CTBP1: variants seen among roughly 807,000 people sequenced by gnomAD.
The protein encoded by CTBP1 is C-terminal binding protein 1.
CTBP1 carries 11 observed loss-of-function variants against 42.1 expected under a neutral mutation model. That is an observed-to-expected ratio of 0.26 (90% CI 0.16 to 0.43). The LOEUF (loss-of-function observed/expected upper bound fraction) is 0.43, where lower values mean the gene tolerates loss of function less well. Among genes scored for constraint, CTBP1 ranks in the 20% least tolerant of loss-of-function variants. CTBP1 has a pLI of 1.00. For synonymous variants in CTBP1, 324 were observed against 277.1 expected, an observed-to-expected ratio of 1.17 and a Z score of -1.68; for missense variants, 399 against 624.3, an observed-to-expected ratio of 0.64 and a Z score of 3.85.
At chr4:1,243,487 C>T (rs1284642259) in intron 1 of CTBP1, 2 of 985,402 alleles carry the variant, frequency 2.0e-6, no homozygotes, top group Non-Finnish European at 2.4e-6. Context: ...AGGCCCAGCA[C>T]CTGGTTCTCC....
Position 1,233,802 on chromosome 4 carries a change from A to T in CTBP1, c.162+4381T>A, listed in dbSNP as rs1731207698. On this transcript the variant is annotated intron_variant, in intron 3 of 9. Coordinates refer to ENST00000382952, the MANE Select transcript of CTBP1 (RefSeq NM_001012614.2). The surrounding 1 kb of genome is among the most constrained non-coding windows in gnomAD (Gnocchi z 4.6). ...CGGCACTCAGACGGCGGCGACCTCCAACCAGCTATGCGGGAAGTTTCTGCC... is the reference window on the plus strand; with the variant it reads ...CGGCACTCAGACGGCGGCGACCTCCTACCAGCTATGCGGGAAGTTTCTGCC... Among the ~76,000 whole-genome samples the T allele has an allele frequency of 6.6e-6, 1 of 152,158 alleles. No individual in the cohort carries two copies. Among genetic ancestry groups the T allele is most frequent in the Non-Finnish European group, 1.5e-5 (1 of 68,028 alleles).
intron 1 of CTBP1, among the ~76,000 whole-genome samples, chr4:1,246,599 C>T (rs557375228): frequency 3.8e-4 from 58 of 152,358 alleles, no homozygotes; most frequent in African/African-American, 8.7e-4. Flanking sequence ...GCCAGCCACA[C>T]GCCTCTTGGC....
intron 5 of CTBP1, 44 bp downstream of exon 5, chr4:1,225,316 C>G (rs1385570093): frequency 6.6e-7 from 1 of 1,515,116 alleles, no homozygotes. Flanking sequence ...GCGGCAGCGC[C>G]AGACACAGGG....
intron 1 of CTBP1, chr4:1,248,688 G>A: frequency 1.2e-5 from 12 of 981,914 alleles, no homozygotes; most frequent in Non-Finnish European, 1.4e-5. Context: ...GGGGAGAGCA[G>A]ACTGCGGCGC....
At chr4:1,224,562 T>C (rs1730117972) in intron 5 of CTBP1, among the ~76,000 whole-genome samples, 1 of 151,536 alleles carries the variant, frequency 6.6e-6, no homozygotes, top group African/African-American at 2.4e-5. Flanking sequence ...CCCACGTGTG[T>C]GCTGTGACAT....
Position 1,212,216 on chromosome 4 carries a change from C to T in CTBP1, c.*24G>A, listed in dbSNP as rs1257406162. On this transcript the variant is annotated 3_prime_UTR_variant, in exon 10 of 10. Transcript: ENST00000382952. ...GTTTCCGGGCCCTCTGCCCAGGCGCCGAGGCTGGAGAGCTCCTCCCGGGCT... is the reference window on the plus strand; with the variant it reads ...GTTTCCGGGCCCTCTGCCCAGGCGCTGAGGCTGGAGAGCTCCTCCCGGGCT... 25 of 1,414,498 alleles carry T rather than the reference C, an allele frequency of 1.8e-5. No individual in the cohort carries two copies. The highest frequency in any genetic ancestry group is 9.4e-5 in the Admixed American group (3 of 31,936). The allele number at this position is 1,414,498 out of a possible 1,614,324, so 87.6% of individuals were successfully genotyped here. A position where few individuals can be genotyped will look rare whatever the true frequency, so the allele number is the denominator to read the frequency against.
rs1302528654 is a variant in CTBP1, at chr4:1,235,601, T to C, written c.162+2582A>G. On this transcript the variant is annotated intron_variant, in intron 3 of 9. Coordinates refer to ENST00000382952, the MANE Select transcript of CTBP1 (RefSeq NM_001012614.2). The surrounding 1 kb of genome is among the most constrained non-coding windows in gnomAD (Gnocchi z 4.2). The stretch of plus-strand genomic sequence containing the variant: ...CAGATCCGCATCTCATTTTCTCCCC[T>C]AACGCTGCTACGCCCCGTTCCAGAG... The C allele has an allele frequency of 1.3e-5, 2 of 152,180 alleles. No homozygotes were observed. Among genetic ancestry groups the C allele is most frequent in the Non-Finnish European group, 2.9e-5 (2 of 68,040 alleles). 9.4% of individuals were successfully genotyped at this position (152,180 alleles called of 1,614,324 possible). A position where few individuals can be genotyped will look rare whatever the true frequency, so the allele number is the denominator to read the frequency against.
At chr4:1,227,543 T>C (rs2046152) in intron 4 of CTBP1, among the ~76,000 whole-genome samples, 109,213 of 139,186 alleles carry the variant, frequency 0.78, 43,025 homozygotes, top group South Asian at 0.89. Context: ...TGCACATGCA[T>C]GGCTGCAGAT....
chr4:1,237,240 G>T (rs1731621907), intron 3 of CTBP1: 1 of 665,094 alleles, frequency 1.5e-6, no homozygotes, highest in Non-Finnish European at 2.7e-6. Flanking sequence ...CTCCTGATGG[G>T]GCTCAGGACA....
chr4:1,228,532 C>T (rs1478521498), intron 3 of CTBP1, among the ~76,000 whole-genome samples, 189 bp from the exon 4 acceptor site: 2 of 152,244 alleles, frequency 1.3e-5, no homozygotes, highest in Non-Finnish European at 2.9e-5. Flanking sequence ...AACCTCTGCC[C>T]AGGCGTCCTG....
At chr4:1,226,422 C>T (rs1404170010) in intron 4 of CTBP1, among the ~76,000 whole-genome samples, 1 of 152,142 alleles carries the variant, frequency 6.6e-6, no homozygotes, top group Non-Finnish European at 1.5e-5. Flanking sequence ...CGTGTGGTTC[C>T]GCAAGGGGTC....
At chr4:1,229,247 G>A (rs1327592173) in intron 3 of CTBP1, among the ~76,000 whole-genome samples, 2 of 152,204 alleles carry the variant, frequency 1.3e-5, no homozygotes, top group Non-Finnish European at 2.9e-5. Context: ...GCAGCACTGG[G>A]CACAGGGTGG....
chr4:1,221,123 G>A (rs746656379), intron 5 of CTBP1, among the ~76,000 whole-genome samples: 77 of 152,242 alleles, frequency 5.1e-4, no homozygotes, highest in Non-Finnish European at 1.0e-3. Flanking sequence ...AGAACCTGAC[G>A]CAGACCACGT....
chr4:1,246,749 C>T lies in CTBP1; in HGVS notation c.-189+2167G>A, dbSNP rs531752348. Among the ~76,000 whole-genome samples, 6 of 152,336 alleles carry T rather than the reference C, an allele frequency of 3.9e-5. No homozygotes were observed. The East Asian group carries it at 1.2e-3, about 29-fold the overall frequency. ...TGGGGAACCAGGTGTGGCTTGACGG[C>T]CACCTCTAAGCCCCGAGGGAAGAGA... On this transcript the variant is annotated intron_variant, in intron 1 of 9. Coordinates refer to ENST00000382952, the MANE Select transcript of CTBP1 (RefSeq NM_001012614.2).
chr4:1,213,138 CCT>C, intron 8 of CTBP1, 108 bp from the exon 9 acceptor site: 1 of 988,726 alleles, frequency 1.0e-6, no homozygotes. Flanking sequence ...TGTGCTCCTC[CCT>C]CTCAGCCCCG....
intron 3 of CTBP1, among the ~76,000 whole-genome samples, chr4:1,229,517 G>T (rs574861484): frequency 6.6e-6 from 1 of 152,216 alleles, no homozygotes; most frequent in South Asian, 2.1e-4. Context: ...TACTCCTGAC[G>T]GATCAATGGC....
chr4:1,224,076 G>A (rs1290097048), intron 5 of CTBP1, among the ~76,000 whole-genome samples: 1 of 130,294 alleles, frequency 7.7e-6, no homozygotes, highest in Non-Finnish European at 1.7e-5. Flanking sequence ...GGCCCCAGCA[G>A]GATCTACACA....
intron 5 of CTBP1, chr4:1,221,921 G>T (rs138340421): frequency 5.4e-6 from 2 of 373,336 alleles, no homozygotes; most frequent in Non-Finnish European, 1.1e-5. Flanking sequence ...TGTAAGTCAC[G>T]GGCACCAGAG....
intron 5 of CTBP1, among the ~76,000 whole-genome samples, chr4:1,221,044 T>C (rs1209201124): frequency 6.6e-6 from 1 of 152,250 alleles, no homozygotes; most frequent in African/African-American, 2.4e-5. Flanking sequence ...CGGCCTGAGA[T>C]ATTCGTAAAC....
Sources: gnomAD v4.1 joint callset for allele counts (sites outside exome capture counted in the v4.1 genomes callset) on GRCh38, gnomAD v4.1.1 for gene constraint, Gnocchi (gnomAD v3.1) non-coding constraint, MANE v1.5 for transcripts, NCBI Gene and HGNC (gene_info 2026-07-23, HGNC 2026-07-21) for gene names.